Variants in GABRG1 observed in about 807,000 individuals in gnomAD.
GABRG1 encodes the protein gamma-aminobutyric acid receptor subunit gamma-1.
GABRG1 carries 49 observed loss-of-function variants against 49.8 expected under a neutral mutation model. That is an observed-to-expected ratio of 0.98 (90% CI 0.78 to 1.25). GABRG1 has a LOEUF of 1.25. Among genes scored for constraint, GABRG1 ranks in the 50% most tolerant of loss-of-function variants. The pLI, the probability that GABRG1 is intolerant of heterozygous loss-of-function variation, is 0.00. For synonymous variants in GABRG1, 232 were observed against 185.1 expected, an observed-to-expected ratio of 1.25 and a Z score of -2.06; for missense variants, 552 against 552.3, an observed-to-expected ratio of 1.00 and a Z score of 0.01.
intron 7 of GABRG1, among the ~76,000 whole-genome samples, chr4:46,056,146 TAAATTAAAAAAAAAAA>T (rs1718426491): frequency 1.8e-4 from 1 of 5,684 alleles, no homozygotes; most frequent in Admixed American, 2.9e-3. Flanking sequence ...AATAAATAAA[TAAATTAAAAAAAAAAA>T]AAAAAAAAAA....
At chr4:46,062,130 G>A (rs2109406037) in intron 5 of GABRG1, among the ~76,000 whole-genome samples, 1 of 148,716 alleles carries the variant, frequency 6.7e-6, no homozygotes, top group Admixed American at 6.8e-5. Context: ...TGCGGTGTTT[G>A]GTTTTTTGTC....
chr4:46,048,153 G>A (rs1430837564), intron 8 of GABRG1, among the ~76,000 whole-genome samples: 1 of 151,944 alleles, frequency 6.6e-6, no homozygotes, highest in Non-Finnish European at 1.5e-5. Flanking sequence ...TTTATTACTA[G>A]TGGCTTTATC....
rs1308339436 is a variant in GABRG1 at position 46,038,895 on chromosome 4, G to A, written c.*2093C>T. On this transcript the variant is annotated 3_prime_UTR_variant, in exon 9 of 9. Coordinates refer to ENST00000295452, the MANE Select transcript of GABRG1 (RefSeq NM_173536.4). ...AAAACCAAGTTAATGAAACACCAGTGAGAAAATCAAAGCTATTTTTTTTCT... is the reference window on the plus strand; with the variant it reads ...AAAACCAAGTTAATGAAACACCAGTAAGAAAATCAAAGCTATTTTTTTTCT... 1 of 151,546 alleles carries A rather than the reference G, an allele frequency of 6.6e-6. No individual in the cohort carries two copies. The highest frequency in any genetic ancestry group is 1.5e-5 in the Non-Finnish European group (1 of 67,664). The allele number at this position is 151,546 out of a possible 1,614,324, so 9.4% of individuals were successfully genotyped here. A position where few individuals can be genotyped will look rare whatever the true frequency, so the allele number is the denominator to read the frequency against.
chr4:46,073,456 T>C (rs1055430234), intron 3 of GABRG1, among the ~76,000 whole-genome samples: 18 of 152,070 alleles, frequency 1.2e-4, no homozygotes, highest in Non-Finnish European at 2.6e-4. Context: ...TTTTGACAAT[T>C]AGTAGTTTTG....
intron 7 of GABRG1, among the ~76,000 whole-genome samples, chr4:46,056,460 A>G (rs1718454180): frequency 1.3e-5 from 2 of 152,018 alleles, no homozygotes; most frequent in Admixed American, 1.3e-4. Context: ...CCACATCATC[A>G]GAGGTATCTA....
intron 3 of GABRG1, among the ~76,000 whole-genome samples, chr4:46,069,287 T>C (rs2109411915): frequency 6.6e-6 from 1 of 152,162 alleles, no homozygotes; most frequent in African/African-American, 2.4e-5. Context: ...AACTGTCTAG[T>C]CACATGGCCA....
At chr4:46,098,292 G>A (rs1029730413) in intron 1 of GABRG1, among the ~76,000 whole-genome samples, 5 of 151,498 alleles carry the variant, frequency 3.3e-5, no homozygotes, top group Non-Finnish European at 5.9e-5. Context: ...CATAAGTAAC[G>A]CCATCTTCTT....
chr4:46,098,819 A>G (rs941015291), intron 1 of GABRG1, among the ~76,000 whole-genome samples: 13 of 151,668 alleles, frequency 8.6e-5, no homozygotes, highest in African/African-American at 2.9e-4. Context: ...TGGATATCAC[A>G]TCTGCTTTGT....
intron 1 of GABRG1, among the ~76,000 whole-genome samples, chr4:46,099,427 A>G (rs1338416031): frequency 6.6e-6 from 1 of 151,760 alleles, no homozygotes; most frequent in Non-Finnish European, 1.5e-5. Flanking sequence ...ACTACAATGG[A>G]CATGTAATCT....
At chr4:46,105,807 A>AGATAGAT (rs1248452717) in intron 1 of GABRG1, among the ~76,000 whole-genome samples, 1 of 138,616 alleles carries the variant, frequency 7.2e-6, no homozygotes, top group South Asian at 2.2e-4. Context: ...ATAGATAGAT[A>AGATAGAT]GATAGATAGA....
intron 3 of GABRG1, among the ~76,000 whole-genome samples, chr4:46,081,926 C>T (rs992438424): frequency 6.6e-6 from 1 of 151,958 alleles, no homozygotes; most frequent in African/African-American, 2.4e-5. Context: ...AAGCCAATGA[C>T]ATAGATCTTG....
chr4:46,090,033 C>T (rs1257184455), intron 2 of GABRG1, among the ~76,000 whole-genome samples: 1 of 151,902 alleles, frequency 6.6e-6, no homozygotes, highest in East Asian at 1.9e-4. Context: ...TGAACAAAAC[C>T]TTTCTATGTT....
intron 7 of GABRG1, among the ~76,000 whole-genome samples, chr4:46,053,593 C>T (rs1391548535): frequency 1.3e-5 from 2 of 151,948 alleles, no homozygotes; most frequent in Non-Finnish European, 2.9e-5. Flanking sequence ...TATTAAATCA[C>T]ATTGTTCCCA....
At chr4:46,081,546 G>A (rs1384913950) in intron 3 of GABRG1, among the ~76,000 whole-genome samples, 1 of 151,830 alleles carries the variant, frequency 6.6e-6, no homozygotes, top group African/African-American at 2.4e-5. Flanking sequence ...ATAGGCAACT[G>A]TTAGGCATAT....
At chr4:46,098,661 C>T (rs1462193942) in intron 1 of GABRG1, among the ~76,000 whole-genome samples, 1 of 151,714 alleles carries the variant, frequency 6.6e-6, no homozygotes, top group African/African-American at 2.4e-5. Context: ...TTGGACTACC[C>T]TGGTCTTGAG....
At chr4:46,071,824 T>C (rs1001128811) in intron 3 of GABRG1, among the ~76,000 whole-genome samples, 1 of 152,114 alleles carries the variant, frequency 6.6e-6, no homozygotes, top group Admixed American at 6.6e-5. Flanking sequence ...TATGAAAATG[T>C]CAAACTTATA....
At chr4:46,107,361 C>T (rs538541636) in intron 1 of GABRG1, among the ~76,000 whole-genome samples, 199 of 151,258 alleles carry the variant, frequency 1.3e-3, no homozygotes, top group African/African-American at 4.6e-3. Flanking sequence ...GTACACAATG[C>T]TTTATTTTTA....
At chr4:46,064,847 T>C (rs1718846021) in intron 4 of GABRG1, among the ~76,000 whole-genome samples, 1 of 152,152 alleles carries the variant, frequency 6.6e-6, no homozygotes, top group Non-Finnish European at 1.5e-5. Context: ...TAACAGATTA[T>C]AAATGGTTAA....
At chr4:46,092,938 G>A (rs1177096736) in intron 2 of GABRG1, among the ~76,000 whole-genome samples, 3 of 151,346 alleles carry the variant, frequency 2.0e-5, no homozygotes, top group African/African-American at 4.9e-5. Context: ...ACATGGTGGC[G>A]CATGCCTATA....
Sources: allele counts gnomAD v4.1 joint callset (sites outside exome capture counted in the v4.1 genomes callset), GRCh38; gene constraint gnomAD v4.1.1; transcripts MANE v1.5; gene names NCBI Gene and HGNC (gene_info 2026-07-23, HGNC 2026-07-21).